MYLK: variants seen among roughly 807,000 people sequenced by gnomAD.
MYLK encodes the protein myosin light chain kinase.
A neutral mutation model predicts 203.4 loss-of-function variants in MYLK; 106 were observed. The ratio of observed to expected loss-of-function variants is 0.52; its 90% CI spans 0.45 to 0.61. MYLK has a LOEUF of 0.61. Ranked by LOEUF, MYLK falls within the 20% of genes least tolerant of loss-of-function variation. The pLI is 0.00. For missense variants in MYLK, 2,072 were observed against 2,442.3 expected, an observed-to-expected ratio of 0.85 and a Z score of 3.20; for synonymous variants, 867 against 959.5, an observed-to-expected ratio of 0.90 and a Z score of 1.78.
chr3:123,647,561 C>A (rs1304472859), intron 26 of MYLK, 134 bp from the exon 27 acceptor site: 2 of 764,994 alleles, frequency 2.6e-6, no homozygotes, highest in Admixed American at 2.1e-5. Context: ...TGGAGCACAG[C>A]CCTGCCTGGC....
At position 123,631,817 on chromosome 3, in the gene MYLK, T is replaced by C. The variant is rs1400358764; in HGVS notation, c.4962-2191A>G. 2.6e-5 allele frequency among the ~76,000 whole-genome samples: 4 copies of C among 151,930 alleles called. 1 individual carries two copies. Among genetic ancestry groups the C allele is most frequent in the African/African-American group, 9.7e-5 (4 of 41,356 alleles). On this transcript the variant is annotated intron_variant, in intron 29 of 33. Coordinates refer to ENST00000360304, the MANE Select transcript of MYLK (RefSeq NM_053025.4). ...GGGTGGGCATTTACCTGTCCCCGAGTCTGCACTGTTATCTGCTGCTCCTTT... is the reference window on the plus strand; with the variant it reads ...GGGTGGGCATTTACCTGTCCCCGAGCCTGCACTGTTATCTGCTGCTCCTTT...
intron 3 of MYLK, among the ~76,000 whole-genome samples, chr3:123,800,667 T>G (rs1349342900): frequency 6.6e-6 from 1 of 152,210 alleles, no homozygotes. Context: ...GAGAAGGTAT[T>G]TTCATAGTTC....
intron 4 of MYLK, among the ~76,000 whole-genome samples, chr3:123,778,280 A>G (rs2064152185): frequency 6.6e-6 from 1 of 152,086 alleles, no homozygotes; most frequent in East Asian, 1.9e-4. Flanking sequence ...GCACTAGGGG[A>G]TTCCTCGGGA....
chr3:123,618,131 C>T, intron 33 of MYLK: 1 of 186,432 alleles, frequency 5.4e-6, no homozygotes, highest in Non-Finnish European at 1.1e-5. Flanking sequence ...CCCAGAGCCA[C>T]TCCGTGACTT....
intron 29 of MYLK, among the ~76,000 whole-genome samples, chr3:123,636,723 T>C (rs1472295759): frequency 4.6e-5 from 7 of 151,972 alleles, no homozygotes; most frequent in Non-Finnish European, 1.5e-5. Context: ...CAGCGCCCCT[T>C]CTCCAAGAGG....
intron 2 of MYLK, among the ~76,000 whole-genome samples, chr3:123,865,173 T>A (rs901042047): frequency 1.3e-5 from 2 of 152,222 alleles, no homozygotes; most frequent in East Asian, 1.9e-4. Context: ...ATTTGATGAC[T>A]CTTCATTAAT....
intron 23 of MYLK, among the ~76,000 whole-genome samples, chr3:123,659,982 T>G (rs2059512645): frequency 6.6e-6 from 1 of 152,218 alleles, no homozygotes; most frequent in Non-Finnish European, 1.5e-5. Context: ...GTAACTGCTC[T>G]TGAGGTCTCT....
At chr3:123,772,275 T>C (rs2063908246) in intron 4 of MYLK, among the ~76,000 whole-genome samples, 1 of 152,262 alleles carries the variant, frequency 6.6e-6, no homozygotes, top group Middle Eastern at 3.4e-3. Flanking sequence ...TTGGTTCACA[T>C]ATTGACTAAT....
At chr3:123,800,801 C>T (rs1438349783) in intron 3 of MYLK, among the ~76,000 whole-genome samples, 1 of 152,180 alleles carries the variant, frequency 6.6e-6, no homozygotes, top group Non-Finnish European at 1.5e-5. Flanking sequence ...ATTCTTTTAA[C>T]ACCTAGGAGA....
At chr3:123,655,527 T>C (rs2059366188) in intron 24 of MYLK, among the ~76,000 whole-genome samples, 1 of 152,236 alleles carries the variant, frequency 6.6e-6, no homozygotes, top group African/African-American at 2.4e-5. Flanking sequence ...TTCCCTCGGC[T>C]AGCCCTTAGA....
chr3:123,752,580 A>G (rs1244914929), intron 4 of MYLK, 42 bp from the exon 5 acceptor site: 2 of 1,559,080 alleles, frequency 1.3e-6, no homozygotes, highest in East Asian at 2.3e-5. Flanking sequence ...GTATTTCATG[A>G]GTACTCTCTC....
At chr3:123,781,321 C>T (rs144113684) in intron 4 of MYLK, among the ~76,000 whole-genome samples, 216 of 152,308 alleles carry the variant, frequency 1.4e-3, no homozygotes, top group African/African-American at 5.0e-3. Flanking sequence ...ACCAAGTCTC[C>T]AGTAACTCTG....
rs1242854332 is a variant in MYLK, at chr3:123,707,851, T to G, written c.2293A>C (p.Thr765Pro). The change falls in exon 16 of 34, where the codon ACT becomes CCT. Residue 765 changes from threonine to proline, a missense_variant. Around this residue, in one of 3 missense-constraint regions of MYLK, gnomAD observed 865 missense variants for 1,016.0 expected, o/e 0.85. Coordinates refer to ENST00000360304, the MANE Select transcript of MYLK (RefSeq NM_053025.4). Reference sequence around the variant, plus strand: ...TTCTGAAGCACCTCGAAGTGGCCAGTGTCTTTGCAGAGGGCTTTGCCATCT... The same window carrying G: ...TTCTGAAGCACCTCGAAGTGGCCAGGGTCTTTGCAGAGGGCTTTGCCATCT... ...LRDGKALCKD[T>P]GHFEVLQNED... 6.2e-7 allele frequency: 1 copy of G among 1,614,192 alleles called. No homozygotes were observed.
chr3:123,796,472 C>T (rs755797929), intron 3 of MYLK, among the ~76,000 whole-genome samples: 2 of 152,094 alleles, frequency 1.3e-5, no homozygotes, highest in African/African-American at 4.8e-5. Context: ...AGTTGAGAGC[C>T]GCTACCACAT....
chr3:123,679,001 T>A (rs2060166029), intron 20 of MYLK, among the ~76,000 whole-genome samples: 1 of 152,152 alleles, frequency 6.6e-6, no homozygotes, highest in African/African-American at 2.4e-5. Flanking sequence ...GAGAAAAGAA[T>A]GGGTGCAAAT....
At chr3:123,721,164 G>A (rs900720326) in intron 13 of MYLK, among the ~76,000 whole-genome samples, 33 of 152,138 alleles carry the variant, frequency 2.2e-4, no homozygotes, top group Non-Finnish European at 3.7e-4. Flanking sequence ...CCTTTTCTGC[G>A]AAACTTCCTC....
rs1170500531 is a variant in MYLK, at chr3:123,648,019, C to G, written c.4416-592G>C. On this transcript the variant is annotated intron_variant, in intron 26 of 33. Transcript: ENST00000360304. This position sits in a 1 kb window ranked among gnomAD's most constrained non-coding sequence, Gnocchi z 4.5. The stretch of plus-strand genomic sequence containing the variant: ...TCCTTCCACTCCCTACCACTGACCC[C>G]CTGGTGATGGCCCAGGCAGGGTCCT... Among the ~76,000 whole-genome samples, 2 of 152,194 alleles carry G rather than the reference C, an allele frequency of 1.3e-5. No homozygotes were observed. The highest frequency in any genetic ancestry group is 6.5e-5 in the Admixed American group (1 of 15,280).
intron 4 of MYLK, among the ~76,000 whole-genome samples, chr3:123,780,911 A>G (rs1216359357): frequency 6.6e-6 from 1 of 152,200 alleles, no homozygotes. Context: ...CCAAAGATAC[A>G]CAGTACAGGA....
At chr3:123,665,126 T>G (rs2059694363) in intron 22 of MYLK, among the ~76,000 whole-genome samples, 1 of 152,228 alleles carries the variant, frequency 6.6e-6, no homozygotes, top group Admixed American at 6.5e-5. Flanking sequence ...GCATATGAAT[T>G]ATATCTTAAC....
Sources: gnomAD v4.1 joint callset for allele counts (sites outside exome capture counted in the v4.1 genomes callset) on GRCh38, gnomAD v4.1.1 for gene constraint, gnomAD v4.1.1 regional missense constraint, Gnocchi (gnomAD v3.1) non-coding constraint, MANE v1.5 for transcripts, NCBI Gene and HGNC (gene_info 2026-07-23, HGNC 2026-07-21) for gene names.